The following HECW2 variants were observed in gnomAD, a reference collection of about 807,000 sequenced individuals.
The protein encoded by HECW2 is E3 ubiquitin-protein ligase HECW2.
Under a neutral mutation model 175.2 loss-of-function variants are expected in HECW2, and 61 were observed. That is an observed-to-expected ratio of 0.35 (90% CI 0.28 to 0.43). HECW2 has a LOEUF of 0.43. HECW2 is among the 20% of genes least tolerant of loss of function. The pLI, the probability that HECW2 is intolerant of heterozygous loss-of-function variation, is 1.00. For missense variants in HECW2, 1,524 were observed against 2,000.5 expected (o/e 0.76, Z 4.54); for synonymous variants, 671 against 731.0 (o/e 0.92, Z 1.32).
At chr2:196,268,661 C>T (rs895559051) in intron 17 of HECW2, among the ~76,000 whole-genome samples, 6 of 152,226 alleles carry the variant, frequency 3.9e-5, no homozygotes, top group African/African-American at 9.6e-5. Context: ...TAATGTGGAA[C>T]GCAGAGAAAA....
At chr2:196,211,628 G>A (rs777357465) in intron 28 of HECW2, among the ~76,000 whole-genome samples, 7 of 152,242 alleles carry the variant, frequency 4.6e-5, no homozygotes, top group African/African-American at 1.2e-4. Flanking sequence ...CACTGCTACC[G>A]CAAAGTGAGA....
intron 1 of HECW2, among the ~76,000 whole-genome samples, chr2:196,515,397 C>CGGCA (rs1688112515): frequency 6.6e-6 from 1 of 152,192 alleles, no homozygotes; most frequent in Non-Finnish European, 1.5e-5. Context: ...AAGGTGCTGC[C>CGGCA]GGCAACAGAG....
intron 28 of HECW2, among the ~76,000 whole-genome samples, chr2:196,209,514 T>A (rs1201342204): frequency 2.0e-5 from 3 of 152,178 alleles, no homozygotes; most frequent in African/African-American, 7.2e-5. Flanking sequence ...TATATAGAAC[T>A]GAGTGAGAGG....
intron 1 of HECW2, among the ~76,000 whole-genome samples, chr2:196,478,228 C>T (rs1395937046): frequency 2.0e-5 from 3 of 152,162 alleles, no homozygotes; most frequent in Non-Finnish European, 2.9e-5. Context: ...TCAGGAGTGG[C>T]TTCAGGCCAA....
At chr2:196,457,627 C>T (rs1366232374) in intron 1 of HECW2, among the ~76,000 whole-genome samples, 1 of 152,144 alleles carries the variant, frequency 6.6e-6, no homozygotes, top group Non-Finnish European at 1.5e-5. Context: ...CTACTGTGAC[C>T]TTATGTAAGT....
At chr2:196,589,204 A>C (rs1469828343) in intron 1 of HECW2, among the ~76,000 whole-genome samples, 2 of 152,186 alleles carry the variant, frequency 1.3e-5, no homozygotes, top group Admixed American at 1.3e-4. Context: ...GTCTCAAAAA[A>C]TAAATAAATA....
intron 1 of HECW2, among the ~76,000 whole-genome samples, chr2:196,522,843 A>T (rs917674559): frequency 6.6e-5 from 10 of 152,076 alleles, no homozygotes; most frequent in East Asian, 1.9e-4. Flanking sequence ...TCTATATCTC[A>T]GTTTTGGTAC....
intron 20 of HECW2, among the ~76,000 whole-genome samples, chr2:196,241,419 G>A (rs1041751276): frequency 5.9e-5 from 9 of 152,308 alleles, no homozygotes; most frequent in East Asian, 5.8e-4. Context: ...TCTCTGGACC[G>A]TCTCTCAGGC....
chr2:196,436,086 A>G (rs1695861874), intron 1 of HECW2, among the ~76,000 whole-genome samples: 1 of 152,186 alleles, frequency 6.6e-6, no homozygotes, highest in African/African-American at 2.4e-5. Context: ...CTTTGGCCCC[A>G]TAACACTGAC....
chr2:196,536,033 A>G (rs992871945), intron 1 of HECW2, among the ~76,000 whole-genome samples: 1 of 152,182 alleles, frequency 6.6e-6, no homozygotes, highest in Non-Finnish European at 1.5e-5. Context: ...GATAGAGGCT[A>G]AATAATTTGG....
In HECW2 at chr2:196,298,918, C is replaced by G. The variant is rs554086402; in HGVS notation, c.2815-6168G>C. Reference sequence around the variant, plus strand: ...ACCCTAGACAATAAATCTTAAAATACAGAAATCAAATAAAAGTTTATTTTA... The same window carrying G: ...ACCCTAGACAATAAATCTTAAAATAGAGAAATCAAATAAAAGTTTATTTTA... On this transcript the variant is annotated intron_variant, in intron 13 of 28. Coordinates refer to ENST00000644978, the MANE Select transcript of HECW2 (RefSeq NM_001348768.2). Among the ~76,000 whole-genome samples the G allele has an allele frequency of 6.6e-5, 10 of 152,164 alleles. No individual in the cohort carries two copies. The South Asian group carries it at 2.1e-3, about 32-fold the overall frequency.
intron 3 of HECW2, among the ~76,000 whole-genome samples, chr2:196,339,049 C>A (rs1692651779): frequency 6.6e-6 from 1 of 152,166 alleles, no homozygotes. Context: ...AATATCCATG[C>A]AGATGTGGCA....
At chr2:196,334,311 A>T in intron 4 of HECW2, 113 bp downstream of exon 4, 2 of 752,960 alleles carry the variant, frequency 2.7e-6, no homozygotes, top group Non-Finnish European at 2.2e-6. Context: ...CCACACTGTT[A>T]TGTGTTTCCT....
intron 1 of HECW2, among the ~76,000 whole-genome samples, chr2:196,470,099 A>G (rs1429332313): frequency 6.6e-6 from 1 of 152,176 alleles, no homozygotes; most frequent in African/African-American, 2.4e-5. Flanking sequence ...GCATAAGCAA[A>G]ATAAAAATTT....
At chr2:196,247,142 T>C (rs1049699163) in intron 19 of HECW2, among the ~76,000 whole-genome samples, 2 of 151,958 alleles carry the variant, frequency 1.3e-5, no homozygotes, top group Non-Finnish European at 2.9e-5. Context: ...TCCCAGCTAC[T>C]TGGGGGGCTG....
intron 5 of HECW2, among the ~76,000 whole-genome samples, chr2:196,327,082 C>T (rs1692181983): frequency 6.6e-6 from 1 of 151,736 alleles, no homozygotes; most frequent in Non-Finnish European, 1.5e-5. Flanking sequence ...AATCTATGCC[C>T]AAAAAAGGGT....
At chr2:196,463,549 G>A (rs926354728) in intron 1 of HECW2, among the ~76,000 whole-genome samples, 50 of 152,228 alleles carry the variant, frequency 3.3e-4, no homozygotes, top group African/African-American at 1.0e-3. Flanking sequence ...AGTGGCATTC[G>A]TTTGCATTAT....
Position 196,200,989 on chromosome 2 carries a change from T to C in HECW2, c.*288A>G. ...AAATTACCGTGGAGCTGATCATGTATGGGTTCATCTTTGTCTTGGAACATA... is the reference window on the plus strand; with the variant it reads ...AAATTACCGTGGAGCTGATCATGTACGGGTTCATCTTTGTCTTGGAACATA... On this transcript the variant is annotated 3_prime_UTR_variant, in exon 29 of 29. Transcript: ENST00000644978. 1 of 290,188 alleles carries C rather than the reference T, an allele frequency of 3.4e-6. No homozygotes were observed. The highest frequency in any genetic ancestry group is 6.3e-5 in the East Asian group (1 of 15,778). 18.0% of individuals were successfully genotyped at this position (290,188 alleles called of 1,614,324 possible).
At chr2:196,590,571 T>C (rs1691153771) in intron 1 of HECW2, among the ~76,000 whole-genome samples, 1 of 152,214 alleles carries the variant, frequency 6.6e-6, no homozygotes, top group Admixed American at 6.5e-5. Flanking sequence ...AAAGGAACAC[T>C]TCACAACAGA....
Sources: gnomAD v4.1 joint callset for allele counts (sites outside exome capture counted in the v4.1 genomes callset) on GRCh38, gnomAD v4.1.1 for gene constraint, MANE v1.5 for transcripts, NCBI Gene and HGNC (gene_info 2026-07-23, HGNC 2026-07-21) for gene names.